SNTG1: variants seen among roughly 807,000 people sequenced by gnomAD.
The protein encoded by SNTG1 is syntrophin gamma 1, also known as gamma-1-syntrophin.
Under a neutral mutation model 74.7 loss-of-function variants are expected in SNTG1, and 39 were observed. The ratio of observed to expected loss-of-function variants is 0.52; its 90% CI spans 0.40 to 0.68. The LOEUF (loss-of-function observed/expected upper bound fraction) is 0.68, where lower values mean the gene tolerates loss of function less well. Ranked by LOEUF, SNTG1 falls within the 30% of genes least tolerant of loss-of-function variation. SNTG1 has a pLI of 0.00. For missense variants in SNTG1, 685 were observed against 609.5 expected, an observed-to-expected ratio of 1.12 and a Z score of -1.30; for synonymous variants, 254 against 217.1, an observed-to-expected ratio of 1.17 and a Z score of -1.49.
intron 18 of SNTG1, among the ~76,000 whole-genome samples, chr8:50,783,130 G>C (rs2095664805): frequency 6.6e-6 from 1 of 152,172 alleles, no homozygotes; most frequent in Non-Finnish European, 1.5e-5. Flanking sequence ...CAGTTAGGCT[G>C]CTCGGGGGTC....
intron 2 of SNTG1, among the ~76,000 whole-genome samples, chr8:50,202,781 T>C (rs1323167764): frequency 6.8e-6 from 1 of 148,080 alleles, no homozygotes; most frequent in Non-Finnish European, 1.5e-5. Flanking sequence ...CTTTCAAGAC[T>C]TTCTCTTTGT....
chr8:50,169,427 C>T (rs117281507), intron 1 of SNTG1, among the ~76,000 whole-genome samples: 4,014 of 152,250 alleles, frequency 0.026, 71 homozygotes, highest in Non-Finnish European at 0.04. Flanking sequence ...GCTTCTTCCT[C>T]CCACTTAAAT....
chr8:49,941,875 T>G (rs927107212), intron 1 of SNTG1, among the ~76,000 whole-genome samples: 3 of 152,218 alleles, frequency 2.0e-5, no homozygotes, highest in African/African-American at 7.2e-5. Flanking sequence ...TACTTGTTTT[T>G]AGATTAATAG....
chr8:50,251,978 A>T (rs2086666333), intron 2 of SNTG1, among the ~76,000 whole-genome samples: 1 of 152,158 alleles, frequency 6.6e-6, no homozygotes, highest in African/African-American at 2.4e-5. Context: ...ACAAGTCTAA[A>T]CAGATTTAAG....
At chr8:50,046,391 T>A (rs373892650) in intron 1 of SNTG1, among the ~76,000 whole-genome samples, 5 of 152,192 alleles carry the variant, frequency 3.3e-5, no homozygotes, top group East Asian at 3.9e-4. Flanking sequence ...CTACTTGGTA[T>A]TCTTTCTGAA....
chr8:50,688,819 T>A (rs1359014618), intron 15 of SNTG1, among the ~76,000 whole-genome samples: 1 of 151,832 alleles, frequency 6.6e-6, no homozygotes, highest in Non-Finnish European at 1.5e-5. Flanking sequence ...TTGATGGGGA[T>A]GGCATTGAAT....
At chr8:50,214,383 A>T (rs1421771083) in intron 2 of SNTG1, among the ~76,000 whole-genome samples, 3 of 151,918 alleles carry the variant, frequency 2.0e-5, no homozygotes, top group Non-Finnish European at 4.4e-5. Flanking sequence ...CATTATGCAC[A>T]TGTACCCTAA....
chr8:49,976,286 T>C (rs1398879376), intron 1 of SNTG1, among the ~76,000 whole-genome samples: 5 of 152,214 alleles, frequency 3.3e-5, no homozygotes, highest in South Asian at 2.1e-4. Flanking sequence ...GTGATATTTA[T>C]ATGAAATTAT....
intron 1 of SNTG1, among the ~76,000 whole-genome samples, chr8:49,928,859 A>C (rs1807293986): frequency 6.6e-6 from 1 of 152,154 alleles, no homozygotes; most frequent in South Asian, 2.1e-4. Flanking sequence ...TTTATAAGTA[A>C]TTCTCTAGCC....
chr8:50,250,983 GT>G (rs2086622355), intron 2 of SNTG1, among the ~76,000 whole-genome samples: 2 of 77,016 alleles, frequency 2.6e-5, no homozygotes, highest in Admixed American at 3.9e-4. Flanking sequence ...CAGTATGTAG[GT>G]TTAAAGTCAA....
intron 2 of SNTG1, among the ~76,000 whole-genome samples, chr8:50,329,341 G>A (rs2130865323): frequency 6.6e-6 from 1 of 152,202 alleles, no homozygotes; most frequent in Admixed American, 6.5e-5. Context: ...TTTTTCTTCT[G>A]TATTGCCCTA....
chr8:50,522,724 A>G (rs888173140), intron 9 of SNTG1, among the ~76,000 whole-genome samples: 2 of 152,024 alleles, frequency 1.3e-5, no homozygotes, highest in African/African-American at 2.4e-5. Context: ...GAATACAGGC[A>G]TGCACCGCCA....
intron 18 of SNTG1, among the ~76,000 whole-genome samples, chr8:50,790,514 A>C (rs1465611433): frequency 6.6e-6 from 1 of 151,900 alleles, no homozygotes. Context: ...GGTGGTAAGA[A>C]TGCAGGTCTA....
intron 1 of SNTG1, among the ~76,000 whole-genome samples, chr8:50,050,377 A>G (rs1415803639): frequency 6.6e-6 from 1 of 151,994 alleles, no homozygotes; most frequent in Non-Finnish European, 1.5e-5. Context: ...CTTGAAAGAC[A>G]TGATCTGCCA....
intron 4 of SNTG1, among the ~76,000 whole-genome samples, chr8:50,425,297 A>G (rs1409306031): frequency 6.9e-6 from 1 of 143,896 alleles, no homozygotes; most frequent in African/African-American, 2.6e-5. Flanking sequence ...GCGGCAGGTG[A>G]TCATGCTTTA....
At chr8:50,685,904 T>C (rs940271209) in intron 15 of SNTG1, among the ~76,000 whole-genome samples, 1 of 152,186 alleles carries the variant, frequency 6.6e-6, no homozygotes, top group South Asian at 2.1e-4. Flanking sequence ...CTCTGCCTTA[T>C]ATATATTGTA....
At chr8:50,651,081 A>G (rs182856472) in intron 13 of SNTG1, among the ~76,000 whole-genome samples, 2 of 152,298 alleles carry the variant, frequency 1.3e-5, no homozygotes, top group East Asian at 3.9e-4. Flanking sequence ...GTAGGATCTG[A>G]TATCATGGAT....
At position 50,092,657 on chromosome 8, in the gene SNTG1, C is replaced by G. The variant is rs183402253; in HGVS notation, c.-102-79904C>G. Among the ~76,000 whole-genome samples the G allele has an allele frequency of 3.3e-3, 510 of 152,274 alleles. 8 individuals carry two copies. The highest frequency in any genetic ancestry group is 2.9e-3 in the Non-Finnish European group (199 of 68,008). On this transcript the variant is annotated intron_variant, in intron 1 of 18. Transcript: ENST00000642720. ...AGCCTTGCATCATGGATTTTCTAGA[C>G]TTCTTAGGCTTCTTCTTCATTTTCT...
chr8:50,547,210 G>A (rs1408324066), intron 11 of SNTG1, among the ~76,000 whole-genome samples: 1 of 152,180 alleles, frequency 6.6e-6, no homozygotes, highest in Non-Finnish European at 1.5e-5. Flanking sequence ...TACAGAGGTT[G>A]AATTGATTGC....
Sources: gnomAD v4.1 joint callset for allele counts (sites outside exome capture counted in the v4.1 genomes callset) on GRCh38, gnomAD v4.1.1 for gene constraint, MANE v1.5 for transcripts, NCBI Gene and HGNC (gene_info 2026-07-23, HGNC 2026-07-21) for gene names.